KIAA0825: variants seen among roughly 807,000 people sequenced by gnomAD.
The protein encoded by KIAA0825 is KIAA0825, also known as uncharacterized protein KIAA0825.
A neutral mutation model predicts 147.6 loss-of-function variants in KIAA0825; 119 were observed. The observed-to-expected ratio is 0.81, with a 90% CI of 0.69 to 0.94. The LOEUF (loss-of-function observed/expected upper bound fraction) is 0.94. KIAA0825 is among the 40% of genes least tolerant of loss of function. The probability of loss-of-function intolerance (pLI) is 0.00; values close to 1 mark genes in which losing one functional copy is unlikely to be tolerated. For synonymous variants in KIAA0825, 470 were observed against 518.1 expected (o/e 0.91, Z 1.26); for missense variants, 1,381 against 1,472.7 (o/e 0.94, Z 1.02).
At chr5:94,280,759 A>C (rs1777419901) in intron 20 of KIAA0825, among the ~76,000 whole-genome samples, 1 of 152,118 alleles carries the variant, frequency 6.6e-6, no homozygotes, top group South Asian at 2.1e-4. Context: ...AGAAAAATTA[A>C]TTTTAAATGC....
chr5:94,487,815 G>A (rs943501893), intron 5 of KIAA0825, among the ~76,000 whole-genome samples: 8 of 152,086 alleles, frequency 5.3e-5, no homozygotes, highest in African/African-American at 1.7e-4. Flanking sequence ...TTAGCTGGGC[G>A]TAGTGGCGTG....
At chr5:94,394,347 T>C (rs1750335150) in intron 17 of KIAA0825, among the ~76,000 whole-genome samples, 1 of 152,202 alleles carries the variant, frequency 6.6e-6, no homozygotes, top group African/African-American at 2.4e-5. Context: ...ATTATATAAT[T>C]ACTCAGAAAC....
At chr5:94,254,740 C>T (rs1331729061) in intron 20 of KIAA0825, among the ~76,000 whole-genome samples, 1 of 152,052 alleles carries the variant, frequency 6.6e-6, no homozygotes, top group Admixed American at 6.6e-5. Context: ...TCTGAGGTCA[C>T]ATAAAATGTC....
At chr5:94,437,433 C>T (rs1052080885) in intron 14 of KIAA0825, among the ~76,000 whole-genome samples, 1 of 152,056 alleles carries the variant, frequency 6.6e-6, no homozygotes, top group Non-Finnish European at 1.5e-5. Flanking sequence ...AGTCTAATAG[C>T]CTTTGTTTAA....
chr5:94,182,865 A>C (rs1473930477), intron 20 of KIAA0825, among the ~76,000 whole-genome samples: 2 of 152,150 alleles, frequency 1.3e-5, no homozygotes, highest in African/African-American at 4.8e-5. Context: ...CTGCTCAGCA[A>C]ATATTTGAGG....
intron 20 of KIAA0825, among the ~76,000 whole-genome samples, chr5:94,238,092 A>T (rs1322500823): frequency 6.6e-6 from 1 of 152,206 alleles, no homozygotes; most frequent in Non-Finnish European, 1.5e-5. Context: ...GTTAATGATA[A>T]GCACACTGAA....
chr5:94,215,084 GC>G (rs1196377896), intron 20 of KIAA0825, among the ~76,000 whole-genome samples: 3 of 152,114 alleles, frequency 2.0e-5, no homozygotes, highest in African/African-American at 7.2e-5. Context: ...CAGAGGGGTG[GC>G]TTTGGAAGTT....
chr5:94,367,595 A>T (rs926921631), intron 20 of KIAA0825, among the ~76,000 whole-genome samples: 1 of 152,156 alleles, frequency 6.6e-6, no homozygotes, highest in African/African-American at 2.4e-5. Flanking sequence ...TTTTTGCCAC[A>T]GTGGAGGTAC....
chr5:94,214,872 A>C (rs144762659), intron 20 of KIAA0825, among the ~76,000 whole-genome samples: 250 of 152,310 alleles, frequency 1.6e-3, no homozygotes, highest in African/African-American at 5.8e-3. Flanking sequence ...AACAACCAAC[A>C]AACAAACAAC....
rs530445083 is a variant in KIAA0825 at position 94,410,620 on chromosome 5, A to G, written c.2662+6581T>C. Reference sequence around the variant, plus strand: ...AAAGAAGACATATTACATAAAAGGAAACAGATACTGTAAATATTTCCACTG... The same window carrying G: ...AAAGAAGACATATTACATAAAAGGAGACAGATACTGTAAATATTTCCACTG... On this transcript the variant is annotated intron_variant, in intron 15 of 20. Coordinates refer to ENST00000682413, the MANE Select transcript of KIAA0825 (RefSeq NM_001145678.3). Among the ~76,000 whole-genome samples, 3 of 152,356 alleles carry G rather than the reference A, an allele frequency of 2.0e-5. No homozygotes were observed. The South Asian group carries it at 6.2e-4, about 32-fold the overall frequency.
chr5:94,533,416 A>G (rs1771308308), intron 3 of KIAA0825, among the ~76,000 whole-genome samples: 1 of 151,274 alleles, frequency 6.6e-6, no homozygotes, highest in Non-Finnish European at 1.5e-5. Flanking sequence ...AGCTGGGATT[A>G]CAGGTGTGCA....
intron 15 of KIAA0825, 169 bp downstream of exon 15, chr5:94,417,032 C>A (rs918206264): frequency 1.9e-6 from 1 of 537,296 alleles, no homozygotes; most frequent in African/African-American, 1.9e-5. Flanking sequence ...TTACAGGAAC[C>A]AATAATTAAT....
chr5:94,243,325 A>G (rs549484399), intron 20 of KIAA0825, among the ~76,000 whole-genome samples: 6 of 152,296 alleles, frequency 3.9e-5, no homozygotes, highest in Admixed American at 3.9e-4. Context: ...TATGATCCTG[A>G]ATGGCAGGCC....
chr5:94,478,383 C>T (rs1189588005), intron 6 of KIAA0825, among the ~76,000 whole-genome samples: 2 of 151,720 alleles, frequency 1.3e-5, no homozygotes, highest in Non-Finnish European at 2.9e-5. Flanking sequence ...ACTCTAAGAA[C>T]ATGATTAAAG....
At chr5:94,493,574 A>G (rs1584673372) in intron 5 of KIAA0825, among the ~76,000 whole-genome samples, 1 of 151,864 alleles carries the variant, frequency 6.6e-6, no homozygotes, top group Non-Finnish European at 1.5e-5. Flanking sequence ...TGCAAGCTCC[A>G]CCCCGCCGGG....
At position 94,403,552 on chromosome 5, in the gene KIAA0825, G is replaced by A; in HGVS notation, c.2887+17C>T. 1 of 1,542,618 alleles carries A rather than the reference G, an allele frequency of 6.5e-7. No homozygotes were observed. The highest frequency in any genetic ancestry group is 8.8e-7 in the Non-Finnish European group (1 of 1,139,848). On this transcript the variant is annotated intron_variant, in intron 16 of 20. Coordinates refer to ENST00000682413, the MANE Select transcript of KIAA0825 (RefSeq NM_001145678.3). ...TTCTTCAGGTGTATTTTCTTAAAGA[G>A]AAACAAGTGTACTTACTTTTGCATG...
chr5:94,261,966 G>A lies in KIAA0825; in HGVS notation c.3711-107842C>T, dbSNP rs534090556. Among the ~76,000 whole-genome samples the A allele has an allele frequency of 1.1e-3, 164 of 151,784 alleles. 1 individual carries two copies. The highest frequency in any genetic ancestry group is 3.9e-3 in the African/African-American group (160 of 41,406). The stretch of plus-strand genomic sequence containing the variant: ...AAACTATTTCATAAAAATGATAAAG[G>A]AAAATACTAATAAATATGAGTATAT... On this transcript the variant is annotated intron_variant, in intron 20 of 20. Coordinates refer to ENST00000682413, the MANE Select transcript of KIAA0825 (RefSeq NM_001145678.3).
At chr5:94,482,622 T>C (rs1012960358) in intron 6 of KIAA0825, among the ~76,000 whole-genome samples, 16 of 152,064 alleles carry the variant, frequency 1.1e-4, no homozygotes, top group African/African-American at 3.9e-4. Flanking sequence ...CCAATGCTTT[T>C]GATAAGAATT....
At chr5:94,196,316 C>T (rs931056789) in intron 20 of KIAA0825, among the ~76,000 whole-genome samples, 3 of 152,126 alleles carry the variant, frequency 2.0e-5, no homozygotes, top group Non-Finnish European at 4.4e-5. Context: ...ATCTTGAGGT[C>T]AGCTTTTGGA....
Sources: gnomAD v4.1 joint callset for allele counts (sites outside exome capture counted in the v4.1 genomes callset) on GRCh38, gnomAD v4.1.1 for gene constraint, MANE v1.5 for transcripts, NCBI Gene and HGNC (gene_info 2026-07-23, HGNC 2026-07-21) for gene names.